Variants in SHISA9 observed in about 807,000 individuals in gnomAD.
The protein encoded by SHISA9 is protein shisa-9.
Under a neutral mutation model 38.0 loss-of-function variants are expected in SHISA9, and 13 were observed. The observed-to-expected ratio is 0.34, with a 90% CI of 0.22 to 0.54. The LOEUF (loss-of-function observed/expected upper bound fraction) is 0.54. Ranked by LOEUF, SHISA9 falls within the 20% of genes least tolerant of loss-of-function variation. The probability of loss-of-function intolerance (pLI) is 0.91; values close to 1 mark genes in which losing one functional copy is unlikely to be tolerated. For missense variants in SHISA9, 538 were observed against 575.8 expected (o/e 0.93, Z 0.67); for synonymous variants, 275 against 242.0 (o/e 1.14, Z -1.27).
intron 2 of SHISA9, among the ~76,000 whole-genome samples, chr16:13,181,664 G>A (rs1045531936): frequency 6.6e-6 from 1 of 152,170 alleles, no homozygotes; most frequent in South Asian, 2.1e-4. Flanking sequence ...TGACTTGTGA[G>A]TGGTTAATGG....
the SHISA9 span, among the ~76,000 whole-genome samples, chr16:13,514,847 T>G: frequency 6.6e-6 from 1 of 151,934 alleles, no homozygotes; most frequent in Admixed American, 6.6e-5. Context: ...CTAAATTGCT[T>G]AAAACCAGTG....
rs569332149 is a variant in SHISA9, at chr16:13,177,075, C to T, written c.692-26319C>T. ...TGCATTTCATTTTCTCAGCTCAGCC[C>T]ACCATCAGGAAAGATCTGTGATCCA... is the stretch of plus-strand genomic sequence containing the variant. On this transcript the variant is annotated intron_variant, in intron 2 of 4. Transcript: ENST00000558583. Among the ~76,000 whole-genome samples, 42 of 152,180 alleles carry T rather than the reference C, an allele frequency of 2.8e-4. No individual in the cohort carries two copies. The Middle Eastern group carries it at 0.01, about 37-fold the overall frequency.
chr16:12,999,871 C>T (rs755125205), intron 2 of SHISA9, among the ~76,000 whole-genome samples: 3 of 152,206 alleles, frequency 2.0e-5, no homozygotes, highest in Admixed American at 6.5e-5. Flanking sequence ...CTTTCTCTCA[C>T]ATTCCATTGG....
chr16:13,320,292 CAAAAAAAA>C, the SHISA9 span, among the ~76,000 whole-genome samples: 125 of 38,996 alleles, frequency 3.2e-3, no homozygotes, highest in Middle Eastern at 0.038. Flanking sequence ...GACTCTGTCT[CAAAAAAAA>C]AAAAAAAAAA....
chr16:13,361,761 G>A, the SHISA9 span, among the ~76,000 whole-genome samples: 1 of 152,122 alleles, frequency 6.6e-6, no homozygotes, highest in Non-Finnish European at 1.5e-5. Context: ...CCTTCTCAGA[G>A]ATTTTCTTCC....
the SHISA9 span, chr16:13,331,381 T>G: frequency 6.7e-6 from 1 of 150,218 alleles, no homozygotes; most frequent in Non-Finnish European, 1.5e-5. Flanking sequence ...AATATGATTT[T>G]TAAAACATTT....
At chr16:13,458,670 AT>A in the SHISA9 span, 1 of 311,666 alleles carries the variant, frequency 3.2e-6, no homozygotes, top group South Asian at 3.0e-5. Flanking sequence ...AAGAGGCAGA[AT>A]AACCTTGATT....
the SHISA9 span, among the ~76,000 whole-genome samples, chr16:13,391,437 T>G: frequency 1.3e-5 from 2 of 151,928 alleles, no homozygotes; most frequent in African/African-American, 4.8e-5. Context: ...TGTTACAGAG[T>G]TAGAGAGAAG....
intron 3 of SHISA9, among the ~76,000 whole-genome samples, chr16:13,205,235 G>A (rs1327865422): frequency 6.6e-6 from 1 of 152,208 alleles, no homozygotes; most frequent in Non-Finnish European, 1.5e-5. Context: ...AGCCAGGGGT[G>A]ACAGCCATTC....
chr16:13,057,677 A>G (rs2073326267), intron 2 of SHISA9, among the ~76,000 whole-genome samples: 1 of 152,160 alleles, frequency 6.6e-6, no homozygotes, highest in African/African-American at 2.4e-5. Context: ...AAGTTCTGCG[A>G]TACATGTGCA....
At chr16:13,148,617 A>G (rs974666974) in intron 2 of SHISA9, among the ~76,000 whole-genome samples, 1 of 151,894 alleles carries the variant, frequency 6.6e-6, no homozygotes, top group African/African-American at 2.4e-5. Context: ...TCATATGCAT[A>G]CATCTCATAG....
chr16:12,927,968 G>T (rs1465556864), intron 2 of SHISA9, among the ~76,000 whole-genome samples: 1 of 152,170 alleles, frequency 6.6e-6, no homozygotes, highest in Admixed American at 6.5e-5. Context: ...AGCATAGTGT[G>T]CTGACTTTTC....
At chr16:13,271,853 G>A in the SHISA9 span, among the ~76,000 whole-genome samples, 8 of 152,092 alleles carry the variant, frequency 5.3e-5, no homozygotes, top group African/African-American at 1.9e-4. Context: ...AGGCTGAGGC[G>A]GGTGGATAAC....
the SHISA9 span, among the ~76,000 whole-genome samples, chr16:13,487,534 G>GGAC: frequency 1.3e-5 from 2 of 152,130 alleles, no homozygotes; most frequent in African/African-American, 2.4e-5. Flanking sequence ...ATCACCAAGG[G>GGAC]GACGGCCCAA....
the SHISA9 span, among the ~76,000 whole-genome samples, chr16:13,315,194 G>T: frequency 6.6e-6 from 1 of 152,182 alleles, no homozygotes; most frequent in South Asian, 2.1e-4. Flanking sequence ...TTGTAGCATA[G>T]CACCTGCAAT....
At chr16:13,393,895 C>G in the SHISA9 span, among the ~76,000 whole-genome samples, 56,879 of 152,020 alleles carry the variant, frequency 0.37, 11,197 homozygotes, top group African/African-American at 0.5. Flanking sequence ...CTGGGATGCT[C>G]TGACAAGTTG....
At chr16:13,476,101 T>G in the SHISA9 span, among the ~76,000 whole-genome samples, 1 of 152,298 alleles carries the variant, frequency 6.6e-6, no homozygotes. Context: ...ACAGTTTGTT[T>G]TTTTTCCTCC....
chr16:13,429,337 T>C, the SHISA9 span, among the ~76,000 whole-genome samples: 5 of 152,020 alleles, frequency 3.3e-5, no homozygotes, highest in Non-Finnish European at 5.9e-5. Context: ...ACAGAGTTGG[T>C]TTTTTCTGCG....
At chr16:12,925,484 A>T (rs985680374) in intron 2 of SHISA9, among the ~76,000 whole-genome samples, 7 of 114,328 alleles carry the variant, frequency 6.1e-5, no homozygotes, top group African/African-American at 1.4e-4. Context: ...CAAGCAACAG[A>T]GAAAGACAAC....
Sources: allele counts gnomAD v4.1 joint callset (sites outside exome capture counted in the v4.1 genomes callset), GRCh38; gene constraint gnomAD v4.1.1; transcripts MANE v1.5; gene names NCBI Gene and HGNC (gene_info 2026-07-23, HGNC 2026-07-21).